HMCN1: variants seen among roughly 807,000 people sequenced by gnomAD.
HMCN1 encodes the protein hemicentin-1.
In HMCN1, 321 loss-of-function variants were observed where a neutral mutation model predicts 625.9. That is an observed-to-expected ratio of 0.51 (90% CI 0.47 to 0.56). HMCN1 has a LOEUF of 0.56. Ranked by LOEUF, HMCN1 falls within the 20% of genes least tolerant of loss-of-function variation. The pLI is 0.00. For synonymous variants in HMCN1, 2,425 were observed against 2,417.6 expected (o/e 1.00, Z -0.09); for missense variants, 6,588 against 6,887.3 (o/e 0.96, Z 1.54).
At chr1:185,966,477 T>C (rs1650414532) in intron 14 of HMCN1, among the ~76,000 whole-genome samples, 1 of 152,102 alleles carries the variant, frequency 6.6e-6, no homozygotes, top group Admixed American at 6.6e-5. Context: ...GATTCCATAA[T>C]AAAATAACAG....
intron 1 of HMCN1, among the ~76,000 whole-genome samples, chr1:185,792,647 A>T (rs182125358): frequency 6.6e-6 from 1 of 152,306 alleles, no homozygotes; most frequent in African/African-American, 2.4e-5. Context: ...TAAAGCTCTA[A>T]AAGTGATTAT....
At chr1:185,894,171 A>G (rs1401492470) in intron 4 of HMCN1, among the ~76,000 whole-genome samples, 2 of 150,114 alleles carry the variant, frequency 1.3e-5, no homozygotes, top group Non-Finnish European at 2.9e-5. Context: ...AAACAAAACA[A>G]AAAAACAGAA....
intron 4 of HMCN1, among the ~76,000 whole-genome samples, chr1:185,887,002 A>T (rs1045897271): frequency 1.3e-5 from 2 of 152,104 alleles, no homozygotes; most frequent in African/African-American, 4.8e-5. Context: ...GCCCCCACAC[A>T]TGCTGGGTAC....
intron 6 of HMCN1, among the ~76,000 whole-genome samples, chr1:185,914,954 A>G (rs61261990): frequency 0.091 from 13,907 of 152,072 alleles, 2,113 homozygotes; most frequent in African/African-American, 0.31. Flanking sequence ...CCAGGGAAGC[A>G]GGCAGAAGAA....
intron 11 of HMCN1, among the ~76,000 whole-genome samples, chr1:185,953,846 C>T (rs1346109525): frequency 2.6e-5 from 4 of 151,212 alleles, no homozygotes; most frequent in African/African-American, 9.8e-5. Flanking sequence ...TGCAGGTGGG[C>T]TGAGTCCGAA....
chr1:185,749,924 T>G (rs565940467), intron 1 of HMCN1, among the ~76,000 whole-genome samples: 21 of 152,346 alleles, frequency 1.4e-4, no homozygotes, highest in Middle Eastern at 6.8e-3. Flanking sequence ...TTTCCTCAGA[T>G]CCTTGATTCG....
chr1:186,167,259 C>T (rs1378190095), intron 100 of HMCN1, among the ~76,000 whole-genome samples: 2 of 152,156 alleles, frequency 1.3e-5, no homozygotes, highest in East Asian at 1.9e-4. Flanking sequence ...CTGCACAGTC[C>T]AATAAAATCT....
Position 186,070,714 on chromosome 1 carries a change from A to G in HMCN1, c.8096A>G (p.Tyr2699Cys), listed in dbSNP as rs1423700916. 3.1e-6 allele frequency: 5 copies of G among 1,613,800 alleles called. No individual in the cohort carries two copies. The South Asian group carries it at 5.5e-5, about 18-fold the overall frequency. Residue 2699 changes from tyrosine to cysteine, a missense_variant, in exon 52 of 107, where the codon TAT becomes TGT. Physicochemically the swap from Tyr to Cys is radical, Grantham distance 194. Transcript: ENST00000271588. ...ACTCTGACCTTGGAATGTGAAGCGTATGCAATTCCTTCTGCCTCCCTCAGC... is the reference window on the plus strand; with the variant it reads ...ACTCTGACCTTGGAATGTGAAGCGTGTGCAATTCCTTCTGCCTCCCTCAGC... ...NNTLTLECEAYAIPSASLSWY... is the reference protein window; with the variant it reads ...NNTLTLECEACAIPSASLSWY...
chr1:185,827,750 T>C (rs1660614003), intron 1 of HMCN1, among the ~76,000 whole-genome samples: 1 of 152,148 alleles, frequency 6.6e-6, no homozygotes, highest in African/African-American at 2.4e-5. Context: ...AAGACTTGAA[T>C]TTACATGTTG....
rs1272304640 is a variant in HMCN1 at position 185,980,168 on chromosome 1, T to C, written c.2567-810T>C. Reference sequence around the variant, plus strand: ...ATGAAAAATGAGGGAAAGTAATTTATACTAAAATAATGCATATTTCAATAC... The same window carrying C: ...ATGAAAAATGAGGGAAAGTAATTTACACTAAAATAATGCATATTTCAATAC... On this transcript the variant is annotated intron_variant, in intron 16 of 106. Transcript: ENST00000271588. Among the ~76,000 whole-genome samples, 5 of 152,330 alleles carry C rather than the reference T, an allele frequency of 3.3e-5. No homozygotes were observed. In the East Asian group the frequency reaches 7.7e-4, roughly 23 times the overall value.
chr1:185,859,627 G>C (rs1255839092), intron 2 of HMCN1, among the ~76,000 whole-genome samples: 2 of 151,996 alleles, frequency 1.3e-5, no homozygotes, highest in South Asian at 4.1e-4. Context: ...TGTTAGTGCA[G>C]AGGTAAAGCA....
chr1:185,881,995 A>C (rs199732852), intron 4 of HMCN1, among the ~76,000 whole-genome samples: 7 of 152,172 alleles, frequency 4.6e-5, no homozygotes, highest in East Asian at 1.9e-4. Flanking sequence ...TCTGAATTTC[A>C]TAAGATATTT....
chr1:185,924,529 T>C (rs1667176378), intron 8 of HMCN1, among the ~76,000 whole-genome samples: 1 of 152,146 alleles, frequency 6.6e-6, no homozygotes. Flanking sequence ...TCTATAGCTA[T>C]TGTTGAATAG....
In HMCN1 at chr1:186,132,644, G is replaced by A. The variant is rs1662003324; in HGVS notation, c.13312+235G>A. Among the ~76,000 whole-genome samples, 3 of 130,766 alleles carry A rather than the reference G, an allele frequency of 2.3e-5. No individual in the cohort carries two copies. In the South Asian group the frequency reaches 7.5e-4, roughly 33 times the overall value. 85.8% of individuals were successfully genotyped at this position (130,766 alleles called of 152,430 possible). On this transcript the variant is annotated intron_variant, in intron 86 of 106. Coordinates refer to ENST00000271588, the MANE Select transcript of HMCN1 (RefSeq NM_031935.3). ...AGTATAAGATTGCAATTGATTGGTG[G>A]CAGAGCTTTTTTTTTTATTATACTT...
At chr1:186,044,395 C>T (rs1375397320) in intron 40 of HMCN1, among the ~76,000 whole-genome samples, 2 of 152,056 alleles carry the variant, frequency 1.3e-5, no homozygotes, top group Non-Finnish European at 2.9e-5. Flanking sequence ...ATAAGTCCTG[C>T]ACCCCAAAAC....
intron 68 of HMCN1, among the ~76,000 whole-genome samples, chr1:186,102,446 C>A (rs1384806566): frequency 6.6e-6 from 1 of 151,976 alleles, no homozygotes; most frequent in African/African-American, 2.4e-5. Flanking sequence ...TTTTTTAAAA[C>A]CTTTAATTGT....
In HMCN1 at chr1:186,018,179, A is replaced by G. The variant is rs766536121; in HGVS notation, c.5301-4A>G. 3 of 1,610,612 alleles carry G rather than the reference A, an allele frequency of 1.9e-6. No homozygotes were observed. Among genetic ancestry groups the G allele is most frequent in the Admixed American group, 1.7e-5 (1 of 59,898 alleles). On this transcript the variant is annotated splice_polypyrimidine_tract_variant and splice_region_variant and intron_variant, in intron 33 of 106. Transcript: ENST00000271588. ...TCCAGACTTCCTTTTGCCTTTTTCT[A>G]TAGGTGGCTGAAGGATGGCCAGTTA...
chr1:185,964,937 A>G (rs1650296527), intron 13 of HMCN1, among the ~76,000 whole-genome samples: 1 of 152,098 alleles, frequency 6.6e-6, no homozygotes, highest in East Asian at 1.9e-4. Context: ...GAACTGTAAC[A>G]GGGTAAGGTT....
At chr1:185,830,584 G>T (rs911548677) in intron 1 of HMCN1, among the ~76,000 whole-genome samples, 1 of 152,102 alleles carries the variant, frequency 6.6e-6, no homozygotes, top group African/African-American at 2.4e-5. Context: ...TCTCTGTTCT[G>T]CTCCATTGGT....
Sources: allele counts gnomAD v4.1 joint callset (sites outside exome capture counted in the v4.1 genomes callset), GRCh38; gene constraint gnomAD v4.1.1; transcripts MANE v1.5; gene names NCBI Gene and HGNC (gene_info 2026-07-23, HGNC 2026-07-21).